Variants in HNF4G observed in about 807,000 individuals in gnomAD.
HNF4G encodes hepatocyte nuclear factor 4-gamma.
HNF4G carries 21 observed loss-of-function variants against 50.9 expected under a neutral mutation model. That is an observed-to-expected ratio of 0.41 (90% CI 0.29 to 0.59). HNF4G has a LOEUF of 0.59. HNF4G is among the 20% of genes least tolerant of loss of function. The pLI is 0.26. For missense variants in HNF4G, 527 were observed against 559.4 expected (o/e 0.94, Z 0.58); for synonymous variants, 198 against 185.6 (o/e 1.07, Z -0.54).
At chr8:75,444,975 C>T (rs1174487309) in intron 1 of HNF4G, among the ~76,000 whole-genome samples, 1 of 147,378 alleles carries the variant, frequency 6.8e-6, no homozygotes, top group Non-Finnish European at 1.5e-5. Context: ...ACAGAATATA[C>T]ATTTTTTTCA....
chr8:75,440,928 G>T (rs1811265530), intron 1 of HNF4G, among the ~76,000 whole-genome samples: 1 of 151,940 alleles, frequency 6.6e-6, no homozygotes, highest in African/African-American at 2.4e-5. Flanking sequence ...AGTGATCATG[G>T]CTCACTGCAG....
intron 1 of HNF4G, among the ~76,000 whole-genome samples, chr8:75,426,122 C>T (rs1326967236): frequency 2.0e-5 from 3 of 152,144 alleles, no homozygotes; most frequent in African/African-American, 7.2e-5. Flanking sequence ...TGGTCATTTC[C>T]TTTCTTTCCG....
At chr8:75,463,743 C>T (rs1208766639) in intron 1 of HNF4G, among the ~76,000 whole-genome samples, 1 of 150,312 alleles carries the variant, frequency 6.7e-6, no homozygotes, top group Non-Finnish European at 1.5e-5. Context: ...CTATAACCAC[C>T]TCCAACTATT....
chr8:75,431,302 T>A (rs571653919), intron 1 of HNF4G, among the ~76,000 whole-genome samples: 2 of 152,286 alleles, frequency 1.3e-5, no homozygotes, highest in South Asian at 4.1e-4. Flanking sequence ...TTTAAAGTGA[T>A]AATAGTTGAG....
chr8:75,450,173 G>A (rs1355626871), intron 1 of HNF4G, among the ~76,000 whole-genome samples: 1 of 152,112 alleles, frequency 6.6e-6, no homozygotes, highest in African/African-American at 2.4e-5. Context: ...CATGTTGTTG[G>A]AAATGATAAA....
At chr8:75,524,002 G>A (rs2138114) in intron 2 of HNF4G, among the ~76,000 whole-genome samples, 17,376 of 145,862 alleles carry the variant, frequency 0.12, 1,342 homozygotes, top group African/African-American at 0.23. Flanking sequence ...ATATCTCAAG[G>A]AAGTATGAGT....
At chr8:75,503,123 A>G (rs1812975417) in intron 2 of HNF4G, among the ~76,000 whole-genome samples, 1 of 152,206 alleles carries the variant, frequency 6.6e-6, no homozygotes, top group Non-Finnish European at 1.5e-5. Context: ...CTTCATAGGT[A>G]AATCATTCTC....
intron 2 of HNF4G, among the ~76,000 whole-genome samples, chr8:75,510,285 T>A (rs1315110672): frequency 6.6e-6 from 1 of 152,218 alleles, no homozygotes; most frequent in African/African-American, 2.4e-5. Flanking sequence ...TAAGCTGTTA[T>A]AAGAGTCAAA....
chr8:75,467,152 G>A (rs1429351986), intron 1 of HNF4G, among the ~76,000 whole-genome samples: 1 of 151,876 alleles, frequency 6.6e-6, no homozygotes, highest in African/African-American at 2.4e-5. Context: ...CTAGGTTTTT[G>A]GTTTTCCCTA....
At position 75,532,253 on chromosome 8, in the gene HNF4G, G is replaced by A. The variant is rs956401600; in HGVS notation, c.-23-11558G>A. ...AATCTTAATTATTGTTTTCATTTCT[G>A]GCTGATTATTTTCTAAAATGTTATT... On this transcript the variant is annotated intron_variant, in intron 2 of 10. Transcript: ENST00000354370. Among the ~76,000 whole-genome samples, 4 of 151,856 alleles carry A rather than the reference G, an allele frequency of 2.6e-5. No individual in the cohort carries two copies. In the East Asian group the frequency reaches 7.7e-4, roughly 29 times the overall value.
intron 2 of HNF4G, among the ~76,000 whole-genome samples, chr8:75,501,347 G>GAGGCCAGAGGCTCAGCCCAGGAGTCTA (rs1297167355): frequency 7.9e-5 from 12 of 152,248 alleles, no homozygotes; most frequent in Non-Finnish European, 1.6e-4. Context: ...TTGGGAGGCT[G>GAGGCCAGAGGCTCAGCCCAGGAGTCTA]AGGCCAGAGG....
intron 9 of HNF4G, among the ~76,000 whole-genome samples, chr8:75,560,837 C>T (rs13280762): frequency 0.078 from 11,815 of 152,094 alleles, 473 homozygotes; most frequent in Middle Eastern, 0.12. Flanking sequence ...CCTTCAAAAA[C>T]GTTTGTCAAA....
At chr8:75,433,810 T>C (rs1299719458) in intron 1 of HNF4G, among the ~76,000 whole-genome samples, 1 of 152,166 alleles carries the variant, frequency 6.6e-6, no homozygotes, top group Non-Finnish European at 1.5e-5. Context: ...AACACAACTG[T>C]ATCAGCAATT....
chr8:75,477,354 G>A (rs2130647762), intron 1 of HNF4G, among the ~76,000 whole-genome samples: 1 of 152,202 alleles, frequency 6.6e-6, no homozygotes, highest in Non-Finnish European at 1.5e-5. Context: ...AATGAGAAAT[G>A]TTAGACTTTA....
chr8:75,540,220 C>A, intron 1 of HNF4G, 140 bp downstream of exon 1: 2 of 555,020 alleles, frequency 3.6e-6, no homozygotes, highest in Non-Finnish European at 6.4e-6. Context: ...CAGATCTGAG[C>A]TTTTGCACTT....
chr8:75,425,024 T>C (rs982899427), intron 1 of HNF4G, among the ~76,000 whole-genome samples: 2 of 152,076 alleles, frequency 1.3e-5, no homozygotes, highest in African/African-American at 4.8e-5. Flanking sequence ...TGTATAAGCA[T>C]TTCCTTTTCT....
At chr8:75,473,870 A>C (rs1334127221) in intron 1 of HNF4G, among the ~76,000 whole-genome samples, 1 of 152,164 alleles carries the variant, frequency 6.6e-6, no homozygotes, top group African/African-American at 2.4e-5. Flanking sequence ...TAAAAAAAAA[A>C]AGTGAATGTG....
intron 2 of HNF4G, among the ~76,000 whole-genome samples, chr8:75,505,927 AT>A (rs1175272492): frequency 1.3e-5 from 2 of 151,850 alleles, no homozygotes; most frequent in Admixed American, 6.6e-5. Flanking sequence ...CATTTTAATT[AT>A]TTTTTTTAAA....
intron 9 of HNF4G, 61 bp from the exon 10 acceptor site, chr8:75,563,914 T>C: frequency 6.3e-7 from 1 of 1,589,358 alleles, no homozygotes; most frequent in Admixed American, 1.7e-5. Flanking sequence ...TTATGTAGGG[T>C]TTAATGGGGT....
Sources: gnomAD v4.1 joint callset for allele counts (sites outside exome capture counted in the v4.1 genomes callset) on GRCh38, gnomAD v4.1.1 for gene constraint, MANE v1.5 for transcripts, NCBI Gene and HGNC (gene_info 2026-07-23, HGNC 2026-07-21) for gene names.